CTNND2: variants seen among roughly 807,000 people sequenced by gnomAD.
CTNND2 encodes the protein catenin delta 2, also known as catenin delta-2.
In CTNND2, 22 loss-of-function variants were observed where a neutral mutation model predicts 144.4. That is an observed-to-expected ratio of 0.15 (90% CI 0.11 to 0.22). The LOEUF (loss-of-function observed/expected upper bound fraction) is 0.22. Among genes scored for constraint, CTNND2 ranks in the 10% least tolerant of loss-of-function variants. The pLI is 1.00. For missense variants in CTNND2, 1,353 were observed against 1,618.8 expected, an observed-to-expected ratio of 0.84 and a Z score of 2.82; for synonymous variants, 751 against 695.6, an observed-to-expected ratio of 1.08 and a Z score of -1.25.
rs574825198 is a variant in CTNND2 at position 11,838,266 on chromosome 5, C to T, written c.37+65551G>A. Among the ~76,000 whole-genome samples, 9 of 152,294 alleles carry T rather than the reference C, an allele frequency of 5.9e-5. 1 individual carries two copies. Among genetic ancestry groups the T allele is most frequent in the Middle Eastern group, 3.4e-3 (1 of 294 alleles). ...TCAGAATTCCTGAGATGAATCTTTACGCCTTGTGGAGTTCTTTTCCTCCCA... is the reference window on the plus strand; with the variant it reads ...TCAGAATTCCTGAGATGAATCTTTATGCCTTGTGGAGTTCTTTTCCTCCCA... On this transcript the variant is annotated intron_variant, in intron 1 of 21. Coordinates refer to ENST00000304623, the MANE Select transcript of CTNND2 (RefSeq NM_001332.4).
intron 3 of CTNND2, among the ~76,000 whole-genome samples, chr5:11,483,083 C>G (rs1164958051): frequency 6.6e-6 from 1 of 151,900 alleles, no homozygotes; most frequent in Admixed American, 6.6e-5. Flanking sequence ...TGATTTTGCT[C>G]CTATCAAAGG....
chr5:11,733,808 A>G (rs1052625684), intron 1 of CTNND2, among the ~76,000 whole-genome samples: 7 of 152,244 alleles, frequency 4.6e-5, no homozygotes, highest in African/African-American at 1.7e-4. Context: ...AAGTGGATGC[A>G]TATGTACAGG....
chr5:11,628,790 G>T (rs1367667578), intron 2 of CTNND2, among the ~76,000 whole-genome samples: 2 of 152,040 alleles, frequency 1.3e-5, no homozygotes, highest in Non-Finnish European at 2.9e-5. Flanking sequence ...AAAAAAGAGT[G>T]GTTAAAGCTT....
chr5:11,153,799 A>T (rs2149757472), intron 12 of CTNND2, among the ~76,000 whole-genome samples: 2 of 152,232 alleles, frequency 1.3e-5, no homozygotes, highest in South Asian at 4.1e-4. Context: ...AAATAAATAA[A>T]CGACTCAGCG....
intron 3 of CTNND2, among the ~76,000 whole-genome samples, chr5:11,469,224 C>A (rs1766935597): frequency 6.6e-6 from 1 of 152,172 alleles, no homozygotes; most frequent in Non-Finnish European, 1.5e-5. Context: ...CATGTGATTT[C>A]TCCATGTTGG....
rs145105861 is a variant in CTNND2 at position 11,438,775 on chromosome 5, C to A, written c.288-26706G>T. On this transcript the variant is annotated intron_variant, in intron 3 of 21. Coordinates refer to ENST00000304623, the MANE Select transcript of CTNND2 (RefSeq NM_001332.4). ...TATCTAGAAAAACATGATTTAATCC[C>A]TTCCGAAAGACATGCTTCGATTTTA... Among the ~76,000 whole-genome samples, 759 of 152,226 alleles carry A rather than the reference C, an allele frequency of 5.0e-3. 2 individuals are homozygous for A. Among genetic ancestry groups the A allele is most frequent in the Non-Finnish European group, 8.0e-3 (545 of 68,028 alleles).
chr5:11,414,068 G>A (rs1442734714), intron 3 of CTNND2, among the ~76,000 whole-genome samples: 1 of 152,152 alleles, frequency 6.6e-6, no homozygotes, highest in Non-Finnish European at 1.5e-5. Context: ...TTACACATGT[G>A]CTTATAAGAG....
intron 10 of CTNND2, among the ~76,000 whole-genome samples, chr5:11,220,646 C>A (rs888830244): frequency 1.6e-4 from 25 of 152,116 alleles, no homozygotes; most frequent in African/African-American, 5.6e-4. Context: ...GCGAACATAC[C>A]CTTCTATGCG....
intron 3 of CTNND2, among the ~76,000 whole-genome samples, chr5:11,446,674 C>G (rs567035566): frequency 6.6e-6 from 1 of 152,082 alleles, no homozygotes; most frequent in Non-Finnish European, 1.5e-5. Context: ...AGTCTGTACC[C>G]CACATCTGTG....
chr5:11,857,710 T>C (rs560250859), intron 1 of CTNND2, among the ~76,000 whole-genome samples: 2 of 152,330 alleles, frequency 1.3e-5, no homozygotes, highest in East Asian at 1.9e-4. Flanking sequence ...CAAATGTGCA[T>C]ATTGGATCAG....
At chr5:11,360,917 T>C (rs79977697) in intron 8 of CTNND2, among the ~76,000 whole-genome samples, 2,660 of 152,318 alleles carry the variant, frequency 0.017, 76 homozygotes, top group African/African-American at 0.061. Flanking sequence ...GCTCCACAGA[T>C]GAAAATAAAT....
intron 9 of CTNND2, among the ~76,000 whole-genome samples, chr5:11,270,036 T>C (rs561622800): frequency 6.6e-6 from 1 of 152,336 alleles, no homozygotes; most frequent in African/African-American, 2.4e-5. Flanking sequence ...AATTCTTAAC[T>C]TCAAATGGGA....
intron 18 of CTNND2, among the ~76,000 whole-genome samples, chr5:11,014,785 G>C (rs1172990126): frequency 6.6e-6 from 1 of 152,154 alleles, no homozygotes; most frequent in Non-Finnish European, 1.5e-5. Flanking sequence ...AAATGAGCAT[G>C]ACAGATGGCG....
chr5:10,994,753 C>T (rs1307201040), intron 18 of CTNND2, among the ~76,000 whole-genome samples: 1 of 152,108 alleles, frequency 6.6e-6, no homozygotes, highest in Non-Finnish European at 1.5e-5. Flanking sequence ...CAGGAAAGCT[C>T]TGGGTGTCCA....
At chr5:11,331,069 C>G (rs912482972) in intron 9 of CTNND2, among the ~76,000 whole-genome samples, 1 of 152,166 alleles carries the variant, frequency 6.6e-6, no homozygotes, top group Admixed American at 6.5e-5. Flanking sequence ...TAAAAAATCC[C>G]ATGCTTTGTA....
At chr5:11,690,918 T>A (rs1385815206) in intron 2 of CTNND2, among the ~76,000 whole-genome samples, 1 of 152,140 alleles carries the variant, frequency 6.6e-6, no homozygotes, top group Non-Finnish European at 1.5e-5. Flanking sequence ...CATATTAACC[T>A]GAAAACACGT....
chr5:11,017,879 C>CT, intron 18 of CTNND2, 95 bp downstream of exon 18: 2 of 920,468 alleles, frequency 2.2e-6, no homozygotes, highest in Non-Finnish European at 3.5e-6. Context: ...GTTTCAATGA[C>CT]TGAGGCTGTG....
At chr5:11,775,809 TAG>T (rs1183121260) in intron 1 of CTNND2, among the ~76,000 whole-genome samples, 1 of 152,158 alleles carries the variant, frequency 6.6e-6, no homozygotes, top group African/African-American at 2.4e-5. Context: ...TATTTGTAAA[TAG>T]AGTCTTTGCA....
rs552192580 is a variant in CTNND2 at position 11,047,633 on chromosome 5, G to A, written c.2789-24654C>T. On this transcript the variant is annotated intron_variant, in intron 16 of 21. Transcript: ENST00000304623. ...AGTGTATTCCATTGCTTGCTGCTCT[G>A]GTATAGGTCCAGCGTCACCCTAATA... Among the ~76,000 whole-genome samples the A allele has an allele frequency of 2.0e-5, 3 of 152,240 alleles. No homozygotes were observed. The East Asian group carries it at 5.8e-4, about 29-fold the overall frequency.
Sources: allele counts gnomAD v4.1 joint callset (sites outside exome capture counted in the v4.1 genomes callset), GRCh38; gene constraint gnomAD v4.1.1; transcripts MANE v1.5; gene names NCBI Gene and HGNC (gene_info 2026-07-23, HGNC 2026-07-21).